Variants in SPATA6L observed in about 807,000 individuals in gnomAD.
SPATA6L encodes the protein spermatogenesis associated 6-like protein.
SPATA6L carries 68 observed loss-of-function variants against 49.2 expected under a neutral mutation model. The ratio of observed to expected loss-of-function variants is 1.38; its 90% confidence interval spans 1.14 to 1.69. SPATA6L has a LOEUF of 1.69. SPATA6L is among the 40% of genes most tolerant of loss of function. The pLI is 0.00. For missense variants in SPATA6L, 668 were observed against 464.3 expected (o/e 1.44, Z -4.03); for synonymous variants, 198 against 165.7 (o/e 1.19, Z -1.50).
chr9:4,627,798 G>C (rs1221310491), intron 5 of SPATA6L: 9 of 1,289,230 alleles, frequency 7.0e-6, no homozygotes, highest in Admixed American at 2.3e-5. Flanking sequence ...CTCAGCAAAA[G>C]AAAGGTGGCC....
chr9:4,606,156 G>C (rs1370012386), intron 9 of SPATA6L, among the ~76,000 whole-genome samples: 1 of 151,458 alleles, frequency 6.6e-6, no homozygotes, highest in Admixed American at 6.6e-5. Context: ...CTACGCCCAC[G>C]GAGTCTCGCT....
In SPATA6L at chr9:4,600,675, A is replaced by G. The variant is rs1479440539; in HGVS notation, c.*136T>C. 6.6e-6 allele frequency: 1 copy of G among 152,212 alleles called. No homozygotes were observed. The highest frequency in any genetic ancestry group is 1.5e-5 in the Non-Finnish European group (1 of 68,032). 9.4% of individuals were successfully genotyped at this position (152,212 alleles called of 1,614,324 possible). On this transcript the variant is annotated 3_prime_UTR_variant, in exon 12 of 12. Transcript: ENST00000682582. ...TACCTGGGCACAAAAGACTGAGTAC[A>G]GGGTTTGGTTTAAAGGGGATTAGAC...
intron 3 of SPATA6L, among the ~76,000 whole-genome samples, chr9:4,647,559 C>T (rs1309449708): frequency 6.6e-6 from 1 of 152,052 alleles, no homozygotes; most frequent in Non-Finnish European, 1.5e-5. Flanking sequence ...GTACTGCACT[C>T]CAGCCTTGGC....
intron 9 of SPATA6L, chr9:4,617,301 G>C (rs1638931586): frequency 1.3e-5 from 2 of 152,178 alleles, no homozygotes; most frequent in African/African-American, 4.8e-5. Context: ...CGAAGTTAAA[G>C]TAACCAACTG....
intron 2 of SPATA6L, among the ~76,000 whole-genome samples, chr9:4,657,120 C>A (rs1389550170): frequency 6.6e-6 from 1 of 152,136 alleles, no homozygotes; most frequent in Non-Finnish European, 1.5e-5. Flanking sequence ...TGTCTTTCCC[C>A]CTAAGCTCTA....
At chr9:4,606,697 A>G (rs111272582) in intron 9 of SPATA6L, among the ~76,000 whole-genome samples, 1 of 134,004 alleles carries the variant, frequency 7.5e-6, no homozygotes. Flanking sequence ...ATGGGGAAAA[A>G]ACAGAACAGA....
intron 7 of SPATA6L, among the ~76,000 whole-genome samples, chr9:4,621,458 A>G (rs1425564152): frequency 1.3e-5 from 2 of 151,808 alleles, no homozygotes; most frequent in African/African-American, 4.8e-5. Flanking sequence ...TCATGACATC[A>G]CCATCACAAT....
chr9:4,645,394 T>C (rs550919032), intron 3 of SPATA6L, among the ~76,000 whole-genome samples: 1 of 152,340 alleles, frequency 6.6e-6, no homozygotes, highest in African/African-American at 2.4e-5. Context: ...CTTACAGTTA[T>C]GGAGGCTGAG....
chr9:4,628,481 T>C (rs1458603436), intron 5 of SPATA6L: 1 of 152,176 alleles, frequency 6.6e-6, no homozygotes, highest in African/African-American at 2.4e-5. Context: ...AGTCTCACTC[T>C]TGTCACCCAG....
downstream of SPATA6L, among the ~76,000 whole-genome samples, chr9:4,595,271 A>G (rs1822169237): frequency 6.6e-6 from 1 of 152,102 alleles, no homozygotes. Flanking sequence ...AAGCACCCCT[A>G]AAATAAGTTG....
intron 7 of SPATA6L, among the ~76,000 whole-genome samples, chr9:4,620,818 T>A (rs1163277164): frequency 6.6e-6 from 1 of 152,200 alleles, no homozygotes; most frequent in Admixed American, 6.5e-5. Flanking sequence ...TAAACCCAAC[T>A]TGTCCTCCCC....
chr9:4,623,168 T>C (rs1292656036), intron 6 of SPATA6L, among the ~76,000 whole-genome samples: 2 of 152,108 alleles, frequency 1.3e-5, no homozygotes, highest in African/African-American at 4.8e-5. Context: ...TAATCCCAGC[T>C]ACTCTGGAGG....
In SPATA6L at chr9:4,600,508, G is replaced by GAGAGAGAGAGAGAGAGAGA. The variant is rs1554697389; in HGVS notation, c.*302_*303insTCTCTCTCTCTCTCTCTCT. On this transcript the variant is annotated 3_prime_UTR_variant, in exon 12 of 12. Coordinates refer to ENST00000682582, the MANE Select transcript of SPATA6L (RefSeq NM_001353486.2). ...CAGAGAGAGCCAGAGAGAGAGAGAG[G>GAGAGAGAGAGAGAGAGAGA]GGAAGTGTTCAGATAAGCACCTGCC... 2.9e-5 allele frequency: 1 copy of GAGAGAGAGAGAGAGAGAGA among 34,796 alleles called. No individual in the cohort carries two copies. Among genetic ancestry groups the GAGAGAGAGAGAGAGAGAGA allele is most frequent in the Non-Finnish European group, 1.1e-4 (1 of 8,986 alleles). The allele number at this position is 34,796 out of a possible 1,614,324, so 2.2% of individuals were successfully genotyped here.
At position 4,609,055 on chromosome 9, in the gene SPATA6L, A is replaced by G. The variant is rs1041009648; in HGVS notation, c.996-3615T>C. 5.3e-5 allele frequency among the ~76,000 whole-genome samples: 8 copies of G among 150,904 alleles called. 1 individual carries two copies. The highest frequency in any genetic ancestry group is 5.2e-4 in the Admixed American group (8 of 15,264). Reference sequence around the variant, plus strand: ...AAACTACAAAATCTAGAAGAAATGGATAAATTCCTCGACACATACGCTCTC... The same window carrying G: ...AAACTACAAAATCTAGAAGAAATGGGTAAATTCCTCGACACATACGCTCTC... On this transcript the variant is annotated intron_variant, in intron 9 of 11. Transcript: ENST00000682582.
At position 4,607,056 on chromosome 9, in the gene SPATA6L, G is replaced by T. The variant is rs199890792; in HGVS notation, c.996-1616C>A. Among the ~76,000 whole-genome samples, 2 of 151,136 alleles carry T rather than the reference G, an allele frequency of 1.3e-5. 1 individual carries two copies. The highest frequency in any genetic ancestry group is 4.2e-4 in the South Asian group (2 of 4,774). On this transcript the variant is annotated intron_variant, in intron 9 of 11. Coordinates refer to ENST00000682582, the MANE Select transcript of SPATA6L (RefSeq NM_001353486.2). ...AGAAAGGGTATCAGCGATGGAAGAT[G>T]AAATGAATGAAATGAAGCGAGAAGG...
In SPATA6L at chr9:4,599,452, T is replaced by C. The variant is rs1822714790; in HGVS notation, c.*1359A>G. The stretch of plus-strand genomic sequence containing the variant: ...TATGATTACAGTGAGAAAAGAAAAC[T>C]TGGCTCTCACTGAATCTTCTAAAAA... On this transcript the variant is annotated 3_prime_UTR_variant, in exon 12 of 12. Transcript: ENST00000682582. 6.6e-6 allele frequency among the ~76,000 whole-genome samples: 1 copy of C among 152,202 alleles called. No individual in the cohort carries two copies. Among genetic ancestry groups the C allele is most frequent in the African/African-American group, 2.4e-5 (1 of 41,452 alleles).
chr9:4,658,063 A>G (rs1431366991), intron 2 of SPATA6L, among the ~76,000 whole-genome samples: 1 of 152,200 alleles, frequency 6.6e-6, no homozygotes, highest in Admixed American at 6.5e-5. Flanking sequence ...GGCCTGGAAT[A>G]GGTCCTTCCC....
rs556949033 is a variant in SPATA6L, at chr9:4,625,363, G to C, written c.633C>G (p.Ile211Met). 17 of 1,614,048 alleles carry C rather than the reference G, an allele frequency of 1.1e-5. No homozygotes were observed. The East Asian group carries it at 1.3e-4, about 13-fold the overall frequency. Residue 211 changes from isoleucine (I) to methionine (M), a missense_variant, in exon 6 of 12, where the codon ATC (isoleucine) becomes ATG (methionine). Ile to Met is a conservative substitution (Grantham distance 10). Coordinates refer to ENST00000682582, the MANE Select transcript of SPATA6L (RefSeq NM_001353486.2). ...CAAATGGAGGCTTGCTTCCTCCAGAGATTTTGAAATTATTTCCAAGGTTCA... is the reference window on the plus strand; with the variant it reads ...CAAATGGAGGCTTGCTTCCTCCAGACATTTTGAAATTATTTCCAAGGTTCA... ...AQLNLGNNFK[I>M]SGGSKPPFVV...
At chr9:4,596,472 A>G (rs1344620583), downstream of SPATA6L, 6 of 152,216 alleles carry the variant, frequency 3.9e-5, no homozygotes, top group African/African-American at 1.4e-4. Flanking sequence ...AGTCATCCCA[A>G]TAAAACAAGT....
Sources: allele counts gnomAD v4.1 joint callset (sites outside exome capture counted in the v4.1 genomes callset), GRCh38; gene constraint gnomAD v4.1.1; transcripts MANE v1.5; gene names NCBI Gene and HGNC (gene_info 2026-07-23, HGNC 2026-07-21).